The following NELL2 variants were observed in gnomAD, a reference collection of about 807,000 sequenced individuals.
NELL2 encodes the protein protein kinase C-binding protein NELL2.
NELL2 carries 41 observed loss-of-function variants against 109.6 expected under a neutral mutation model. That is an observed-to-expected ratio of 0.37 (90% CI 0.29 to 0.49). NELL2 has a LOEUF of 0.49. Among genes scored for constraint, NELL2 ranks in the 20% least tolerant of loss-of-function variants. The pLI is 0.98. For missense variants in NELL2, 900 were observed against 1,008.3 expected, an observed-to-expected ratio of 0.89 and a Z score of 1.45; for synonymous variants, 355 against 344.7, an observed-to-expected ratio of 1.03 and a Z score of -0.33.
At chr12:44,740,660 A>AG (rs1352335062) in intron 9 of NELL2, among the ~76,000 whole-genome samples, 5 of 152,188 alleles carry the variant, frequency 3.3e-5, no homozygotes, top group African/African-American at 4.8e-5. Context: ...GGGAAAAAAA[A>AG]AGAGTCTAGA....
intron 3 of NELL2, among the ~76,000 whole-genome samples, chr12:44,792,682 G>C (rs1942478949): frequency 6.6e-6 from 1 of 152,098 alleles, no homozygotes; most frequent in Non-Finnish European, 1.5e-5. Context: ...TTGACGTATA[G>C]ATCTGCCAAT....
intron 12 of NELL2, among the ~76,000 whole-genome samples, chr12:44,675,347 C>T (rs747932167): frequency 7.2e-5 from 11 of 152,088 alleles, no homozygotes; most frequent in South Asian, 2.1e-4. Flanking sequence ...ACAAAGGGAA[C>T]GTCATCTATG....
intron 15 of NELL2, among the ~76,000 whole-genome samples, chr12:44,579,810 A>G (rs1358845573): frequency 6.6e-6 from 1 of 152,008 alleles, no homozygotes; most frequent in East Asian, 1.9e-4. Context: ...GTGAGACTAG[A>G]AAAAAAATCT....
At chr12:44,813,116 T>C (rs1386228970) in intron 3 of NELL2, among the ~76,000 whole-genome samples, 1 of 152,198 alleles carries the variant, frequency 6.6e-6, no homozygotes, top group Non-Finnish European at 1.5e-5. Flanking sequence ...AATTAAGTAA[T>C]TTGTACAAGG....
chr12:44,786,509 A>G (rs1246140546), intron 3 of NELL2, among the ~76,000 whole-genome samples: 2 of 152,226 alleles, frequency 1.3e-5, no homozygotes, highest in African/African-American at 4.8e-5. Flanking sequence ...CTTTTGACAC[A>G]GCAATCCCAT....
At chr12:44,695,290 CAAAA>C (rs34087124) in intron 12 of NELL2, among the ~76,000 whole-genome samples, 19 of 94,984 alleles carry the variant, frequency 2.0e-4, no homozygotes, top group Admixed American at 1.9e-3. Context: ...GACTCCGTCT[CAAAA>C]AAAAAAAAAA....
intron 12 of NELL2, among the ~76,000 whole-genome samples, chr12:44,688,321 T>A (rs995214033): frequency 6.6e-6 from 1 of 152,236 alleles, no homozygotes; most frequent in African/African-American, 2.4e-5. Context: ...CTGTTGTCTC[T>A]AGTTTCCAGT....
At chr12:44,544,566 A>AAGTG (rs1434555345) in intron 15 of NELL2, among the ~76,000 whole-genome samples, 4 of 152,110 alleles carry the variant, frequency 2.6e-5, no homozygotes, top group African/African-American at 9.7e-5. Context: ...AGTGAGCAGG[A>AAGTG]AGTGAGTCAG....
At chr12:44,580,454 C>A (rs879486752) in intron 15 of NELL2, among the ~76,000 whole-genome samples, 1 of 152,104 alleles carries the variant, frequency 6.6e-6, no homozygotes, top group African/African-American at 2.4e-5. Flanking sequence ...CGGTGGCTTA[C>A]GCCTGTAATC....
intron 13 of NELL2, among the ~76,000 whole-genome samples, chr12:44,656,640 C>A (rs914282152): frequency 3.3e-5 from 5 of 152,186 alleles, no homozygotes; most frequent in Non-Finnish European, 7.4e-5. Flanking sequence ...TTTGTGAAAG[C>A]TGATATGCAT....
chr12:44,764,236 T>G (rs1941239641), intron 9 of NELL2, among the ~76,000 whole-genome samples: 1 of 152,224 alleles, frequency 6.6e-6, no homozygotes, highest in Non-Finnish European at 1.5e-5. Context: ...GTGTGTTTTC[T>G]CTATTCTTTA....
chr12:44,615,578 AT>A (rs1945789511), intron 13 of NELL2, among the ~76,000 whole-genome samples: 4 of 152,228 alleles, frequency 2.6e-5, no homozygotes, highest in Admixed American at 2.6e-4. Context: ...TATGTAATTG[AT>A]TGCCCAACAT....
intron 16 of NELL2, chr12:44,523,705 T>A: frequency 1.8e-6 from 1 of 549,130 alleles, no homozygotes; most frequent in Non-Finnish European, 3.2e-6. Flanking sequence ...TCAGGTAACC[T>A]TGGCTAGAAT....
chr12:44,905,932 AG>A (rs1945715094), intron 1 of NELL2, among the ~76,000 whole-genome samples: 1 of 152,136 alleles, frequency 6.6e-6, no homozygotes, highest in South Asian at 2.1e-4. Flanking sequence ...GGGGAAAAAC[AG>A]GGAACAAATA....
chr12:44,892,743 A>G (rs1945548631), intron 1 of NELL2, among the ~76,000 whole-genome samples: 2 of 146,002 alleles, frequency 1.4e-5, no homozygotes, highest in South Asian at 4.5e-4. Context: ...GCTTGCAGTG[A>G]GCCGAGATCG....
At chr12:44,839,077 A>C in intron 2 of NELL2, among the ~76,000 whole-genome samples, 1 of 152,090 alleles carries the variant, frequency 6.6e-6, no homozygotes, top group East Asian at 1.9e-4. Flanking sequence ...CGCACGCTTC[A>C]ATCTGTGCCA....
intron 13 of NELL2, among the ~76,000 whole-genome samples, chr12:44,642,347 G>GA (rs1198211693): frequency 2.6e-5 from 4 of 151,324 alleles, no homozygotes; most frequent in African/African-American, 7.3e-5. Context: ...TTCACAAAAG[G>GA]AAAAAAAAGT....
chr12:44,848,370 C>T (rs1566525405), intron 2 of NELL2, among the ~76,000 whole-genome samples: 1 of 152,142 alleles, frequency 6.6e-6, no homozygotes. Context: ...ATAAGGCAGT[C>T]AGCCAGGAGA....
intron 15 of NELL2, among the ~76,000 whole-genome samples, chr12:44,560,461 GT>G (rs1943428133): frequency 6.6e-6 from 1 of 151,456 alleles, no homozygotes; most frequent in Non-Finnish European, 1.5e-5. Context: ...AGAGAGAAGA[GT>G]CAAATAGACA....
Sources: allele counts gnomAD v4.1 joint callset (sites outside exome capture counted in the v4.1 genomes callset), GRCh38; gene constraint gnomAD v4.1.1; transcripts MANE v1.5; gene names NCBI Gene and HGNC (gene_info 2026-07-23, HGNC 2026-07-21).